PLCB1: variants seen among roughly 807,000 people sequenced by gnomAD.
PLCB1 encodes the protein 1-phosphatidylinositol 4,5-bisphosphate phosphodiesterase beta-1.
PLCB1 carries 46 observed loss-of-function variants against 161.8 expected under a neutral mutation model. That is an observed-to-expected ratio of 0.28 (90% CI 0.22 to 0.36). The LOEUF (loss-of-function observed/expected upper bound fraction) is 0.36. Among genes scored for constraint, PLCB1 ranks in the 10% least tolerant of loss-of-function variants. The pLI is 1.00. For missense variants in PLCB1, 1,016 were observed against 1,472.5 expected (o/e 0.69, Z 5.07); for synonymous variants, 517 against 503.7 (o/e 1.03, Z -0.35).
chr20:8,174,276 A>C (rs186876362), intron 2 of PLCB1, among the ~76,000 whole-genome samples: 25 of 152,348 alleles, frequency 1.6e-4, no homozygotes, highest in African/African-American at 5.5e-4. Context: ...GAGAAGTACC[A>C]ATTCAAATGA....
At chr20:8,636,781 G>A (rs1006736688) in intron 4 of PLCB1, among the ~76,000 whole-genome samples, 1 of 152,102 alleles carries the variant, frequency 6.6e-6, no homozygotes, top group African/African-American at 2.4e-5. Flanking sequence ...AAATGTCAAC[G>A]CTGAGACATA....
chr20:8,754,590 A>G (rs1163610121), intron 23 of PLCB1, among the ~76,000 whole-genome samples: 2 of 152,166 alleles, frequency 1.3e-5, no homozygotes, highest in Admixed American at 1.3e-4. Flanking sequence ...GGGGAAGGTC[A>G]GATCCCCACG....
rs201939166 is a variant in PLCB1 at position 8,548,123 on chromosome 20, C to CT, written c.247-80164dup. On this transcript the variant is annotated intron_variant, in intron 3 of 31. Transcript: ENST00000338037. ...CTCCCTTCCCTTCTTCCTTCCTTTT[C>CT]TTTTTTTCCATTCTCTCCTTCTTTC... Among the ~76,000 whole-genome samples the CT allele has an allele frequency of 3.3e-3, 499 of 149,720 alleles. 2 individuals are homozygous for CT. Among genetic ancestry groups the CT allele is most frequent in the African/African-American group, 0.011 (466 of 40,818 alleles).
chr20:8,722,116 G>T (rs148501106), intron 14 of PLCB1, among the ~76,000 whole-genome samples: 1 of 150,880 alleles, frequency 6.6e-6, no homozygotes, highest in Non-Finnish European at 1.5e-5. Flanking sequence ...TTTTTTAATA[G>T]AATTTTGAAA....
rs1001253776 is a variant in PLCB1, at chr20:8,408,795, T to G, written c.246+37345T>G. On this transcript the variant is annotated intron_variant, in intron 3 of 31. Coordinates refer to ENST00000338037, the MANE Select transcript of PLCB1 (RefSeq NM_015192.4). ...AGCTGTGGCATCTGAAACAAATTAC[T>G]TCATCTCACATTCGGCAGCCTTTCT... Among the ~76,000 whole-genome samples, 6 of 152,212 alleles carry G rather than the reference T, an allele frequency of 3.9e-5. No individual in the cohort carries two copies. In the East Asian group the frequency reaches 1.2e-3, roughly 29 times the overall value.
At chr20:8,442,392 T>C (rs937504303) in intron 3 of PLCB1, among the ~76,000 whole-genome samples, 6 of 152,176 alleles carry the variant, frequency 3.9e-5, no homozygotes, top group Admixed American at 1.3e-4. Flanking sequence ...GGATGTGGGC[T>C]CAAACCCTGT....
At chr20:8,874,574 C>G (rs1216986660) in intron 31 of PLCB1, among the ~76,000 whole-genome samples, 1 of 151,886 alleles carries the variant, frequency 6.6e-6, no homozygotes, top group Non-Finnish European at 1.5e-5. Context: ...CTGAAAGCAA[C>G]CTTTTTAGGA....
chr20:8,763,294 C>T (rs1243430981), intron 25 of PLCB1, among the ~76,000 whole-genome samples: 7 of 152,202 alleles, frequency 4.6e-5, no homozygotes, highest in African/African-American at 7.2e-5. Flanking sequence ...CTCCGTCTCC[C>T]GGGTTCAAGT....
intron 14 of PLCB1, among the ~76,000 whole-genome samples, chr20:8,721,639 T>A (rs559952649): frequency 3.5e-4 from 53 of 152,350 alleles, no homozygotes; most frequent in African/African-American, 1.2e-3. Flanking sequence ...CTTACCCATG[T>A]TATCCTGCCC....
intron 2 of PLCB1, among the ~76,000 whole-genome samples, chr20:8,234,614 CT>C (rs568345754): frequency 3.4e-4 from 51 of 152,234 alleles, no homozygotes; most frequent in Middle Eastern, 3.4e-3. Flanking sequence ...AATGCTACCC[CT>C]GTTCCAAGAC....
At chr20:8,454,186 G>A (rs1161645297) in intron 3 of PLCB1, among the ~76,000 whole-genome samples, 10 of 152,122 alleles carry the variant, frequency 6.6e-5, no homozygotes, top group Non-Finnish European at 1.0e-4. Context: ...ATGGCAGCCC[G>A]AGCTCACTAA....
At chr20:8,509,775 TA>T (rs1568705461) in intron 3 of PLCB1, among the ~76,000 whole-genome samples, 5 of 135,008 alleles carry the variant, frequency 3.7e-5, no homozygotes, top group South Asian at 4.9e-4. Context: ...GATAGATAGA[TA>T]GATAGATAGC....
chr20:8,696,577 G>T (rs1322636262), intron 10 of PLCB1, among the ~76,000 whole-genome samples: 1 of 152,142 alleles, frequency 6.6e-6, no homozygotes, highest in Non-Finnish European at 1.5e-5. Context: ...TTAGGCCAAT[G>T]GTGGGGAGTA....
chr20:8,355,380 A>G (rs1337614432), intron 2 of PLCB1, among the ~76,000 whole-genome samples: 1 of 152,168 alleles, frequency 6.6e-6, no homozygotes, highest in Admixed American at 6.6e-5. Flanking sequence ...TTTTTGATAT[A>G]AGGTGATTTT....
intron 3 of PLCB1, among the ~76,000 whole-genome samples, chr20:8,613,316 G>C (rs1377307870): frequency 6.6e-6 from 1 of 152,154 alleles, no homozygotes; most frequent in Non-Finnish European, 1.5e-5. Flanking sequence ...TCAGGTATTA[G>C]AGCATAACAA....
intron 1 of PLCB1, among the ~76,000 whole-genome samples, chr20:8,138,811 T>C (rs1390830604): frequency 2.0e-5 from 3 of 152,192 alleles, no homozygotes; most frequent in Non-Finnish European, 1.5e-5. Flanking sequence ...TCCTCTGATC[T>C]CTTTAAGAGC....
At chr20:8,590,681 AC>A (rs1230714266) in intron 3 of PLCB1, among the ~76,000 whole-genome samples, 1 of 152,090 alleles carries the variant, frequency 6.6e-6, no homozygotes, top group Admixed American at 6.6e-5. Flanking sequence ...CCTTCCTCCA[AC>A]TTCAAAGGCA....
chr20:8,701,913 T>G lies in PLCB1; in HGVS notation c.1167+4130T>G, dbSNP rs1349242584. Reference sequence around the variant, plus strand: ...CAACATTTGCCAGTTTTAGCTGCCCTGAACATTTGGGCCAGATATTCACAG... The same window carrying G: ...CAACATTTGCCAGTTTTAGCTGCCCGGAACATTTGGGCCAGATATTCACAG... On this transcript the variant is annotated intron_variant, in intron 11 of 31. Transcript: ENST00000338037. Among the ~76,000 whole-genome samples the G allele has an allele frequency of 2.0e-5, 3 of 152,238 alleles. No homozygotes were observed. The East Asian group carries it at 5.8e-4, about 29-fold the overall frequency.
rs1306491265 is a variant in PLCB1, at chr20:8,853,437, T to A, written c.3424-28185T>A. On this transcript the variant is annotated intron_variant, in intron 31 of 31. Transcript: ENST00000338037. ...ATGTCAGTCAACACAGAGATTAGTT[T>A]TTCTGTTTTGCAACTTTATATAAAC... is the stretch of plus-strand genomic sequence containing the variant. Among the ~76,000 whole-genome samples, 4 of 152,156 alleles carry A rather than the reference T, an allele frequency of 2.6e-5. No individual in the cohort carries two copies. The East Asian group carries it at 5.8e-4, about 22-fold the overall frequency.
Sources: gnomAD v4.1 joint callset for allele counts (sites outside exome capture counted in the v4.1 genomes callset) on GRCh38, gnomAD v4.1.1 for gene constraint, MANE v1.5 for transcripts, NCBI Gene and HGNC (gene_info 2026-07-23, HGNC 2026-07-21) for gene names.